CDADC1: variants seen among roughly 807,000 people sequenced by gnomAD.
The protein encoded by CDADC1 is dCTP deaminase.
Under a neutral mutation model 54.9 loss-of-function variants are expected in CDADC1, and 39 were observed. That is an observed-to-expected ratio of 0.71 (90% CI 0.55 to 0.93). The LOEUF (loss-of-function observed/expected upper bound fraction) is 0.93, where lower values mean the gene tolerates loss of function less well. Ranked by LOEUF, CDADC1 falls within the 40% of genes least tolerant of loss-of-function variation. CDADC1 has a pLI of 0.00. For missense variants in CDADC1, 518 were observed against 618.8 expected, an observed-to-expected ratio of 0.84 and a Z score of 1.73; for synonymous variants, 186 against 204.0, an observed-to-expected ratio of 0.91 and a Z score of 0.75.
intron 5 of CDADC1, among the ~76,000 whole-genome samples, chr13:49,269,938 C>T (rs902010350): frequency 2.6e-5 from 4 of 152,158 alleles, no homozygotes; most frequent in South Asian, 4.1e-4. Flanking sequence ...GCCCTGCTTA[C>T]GCATTTGATG....
At position 49,259,364 on chromosome 13, in the gene CDADC1, G is replaced by T. The variant is rs1207843284; in HGVS notation, c.271G>T (p.Val91Leu). ...DKRQVKRTGL[V>L]VVKNMKIVGL... ...AATGTAGGTAAAGAGAACTGGTCTTGTGGTGGTGAAAAACATGAAAATTGT... is the reference window on the plus strand; with the variant it reads ...AATGTAGGTAAAGAGAACTGGTCTTTTGGTGGTGAAAAACATGAAAATTGT... Residue 91 changes from valine to leucine, a missense_variant, in exon 4 of 10, where the codon GTG (valine) becomes TTG (leucine). Physicochemically the swap from Val to Leu is conservative, Grantham distance 32 (BLOSUM62 1). Coordinates refer to ENST00000251108, the MANE Select transcript of CDADC1 (RefSeq NM_030911.4). 6.2e-7 allele frequency: 1 copy of T among 1,612,462 alleles called. No individual in the cohort carries two copies. Among genetic ancestry groups the T allele is most frequent in the Admixed American group, 1.7e-5 (1 of 59,956 alleles).
chr13:49,261,596 T>C (rs1011147418), intron 4 of CDADC1, among the ~76,000 whole-genome samples: 3 of 152,252 alleles, frequency 2.0e-5, no homozygotes, highest in African/African-American at 7.2e-5. Flanking sequence ...GCTTGATTAG[T>C]AGACTATTGC....
In CDADC1 at chr13:49,248,077, A is replaced by G; in HGVS notation, c.40A>G (p.Arg14Gly). 1 of 1,553,848 alleles carries G rather than the reference A, an allele frequency of 6.4e-7. No individual in the cohort carries two copies. The highest frequency in any genetic ancestry group is 8.7e-7 in the Non-Finnish European group (1 of 1,148,362). Residue 14 changes from arginine to glycine, a missense_variant, in exon 1 of 10, where the codon AGG (arginine) becomes GGG (glycine). Transcript: ENST00000251108. ...AGQMQNLESA[R>G]AGRSVSTQTG... ...GCAGATGCAAAATCTGGAGAGCGCG[A>G]GGGCCGGGCGGTCAGTCAGCACCCA...
chr13:49,258,077 T>C (rs1025010186), intron 3 of CDADC1, among the ~76,000 whole-genome samples: 1 of 152,250 alleles, frequency 6.6e-6, no homozygotes, highest in African/African-American at 2.4e-5. Flanking sequence ...AGGAGATGGT[T>C]GGTTAACTCA....
chr13:49,263,094 G>A (rs1011515142), intron 4 of CDADC1, among the ~76,000 whole-genome samples: 2 of 152,176 alleles, frequency 1.3e-5, no homozygotes, highest in African/African-American at 4.8e-5. Context: ...GTGATTGTTT[G>A]AGTTGCAGAC....
intron 2 of CDADC1, among the ~76,000 whole-genome samples, chr13:49,255,168 C>T (rs1226168148): frequency 6.6e-6 from 1 of 152,202 alleles, no homozygotes; most frequent in Non-Finnish European, 1.5e-5. Context: ...GGCTCATGGG[C>T]CCCTTCCATC....
intron 5 of CDADC1, among the ~76,000 whole-genome samples, chr13:49,268,421 AAGG>A (rs1287541806): frequency 3.3e-5 from 5 of 152,140 alleles, no homozygotes; most frequent in African/African-American, 1.2e-4. Context: ...AACACTTTAG[AAGG>A]CTGAGACAGG....
At chr13:49,270,613 G>T (rs1002551645) in intron 5 of CDADC1, among the ~76,000 whole-genome samples, 3 of 152,166 alleles carry the variant, frequency 2.0e-5, no homozygotes, top group African/African-American at 7.2e-5. Context: ...TACATACAGA[G>T]TGAAAAAAGT....
chr13:49,263,225 A>G (rs1952726962), intron 4 of CDADC1, among the ~76,000 whole-genome samples: 1 of 152,236 alleles, frequency 6.6e-6, no homozygotes, highest in Admixed American at 6.5e-5. Flanking sequence ...AACAACTGAC[A>G]GTATTTGTTG....
intron 8 of CDADC1, among the ~76,000 whole-genome samples, chr13:49,285,634 A>C (rs1953491665): frequency 6.6e-6 from 1 of 152,114 alleles, no homozygotes; most frequent in Non-Finnish European, 1.5e-5. Context: ...AACCTGAGAC[A>C]AGTCACTCCA....
intron 6 of CDADC1, among the ~76,000 whole-genome samples, chr13:49,274,775 A>G (rs1418842944): frequency 1.3e-5 from 2 of 152,236 alleles, no homozygotes; most frequent in African/African-American, 4.8e-5. Flanking sequence ...TCATTCAGCA[A>G]ACATTTGTTA....
intron 3 of CDADC1, among the ~76,000 whole-genome samples, chr13:49,257,340 TTTCTGTC>T (rs1462809109): frequency 6.6e-6 from 1 of 152,184 alleles, no homozygotes; most frequent in African/African-American, 2.4e-5. Flanking sequence ...TCTGGCTTTA[TTTCTGTC>T]TGTTTAACTA....
intron 2 of CDADC1, among the ~76,000 whole-genome samples, chr13:49,253,526 C>T (rs1952479954): frequency 6.6e-6 from 1 of 152,202 alleles, no homozygotes; most frequent in South Asian, 2.1e-4. Flanking sequence ...AGTTGTATAA[C>T]TTTGGGTAAC....
At chr13:49,258,953 T>C (rs1432968117) in intron 3 of CDADC1, among the ~76,000 whole-genome samples, 2 of 152,234 alleles carry the variant, frequency 1.3e-5, no homozygotes, top group Non-Finnish European at 2.9e-5. Flanking sequence ...TACTTATCCA[T>C]GTGTAAAATC....
chr13:49,289,976 G>A (rs1953652166), intron 9 of CDADC1, among the ~76,000 whole-genome samples: 1 of 152,082 alleles, frequency 6.6e-6, no homozygotes, highest in South Asian at 2.1e-4. Context: ...AGCCCAGGAG[G>A]TTGAGGATGC....
intron 7 of CDADC1, among the ~76,000 whole-genome samples, chr13:49,279,580 G>T (rs574237634): frequency 6.6e-6 from 1 of 152,264 alleles, no homozygotes; most frequent in South Asian, 2.1e-4. Context: ...TGCTCCATTT[G>T]GTAGGCAGCG....
chr13:49,276,133 TA>T (rs572188352), intron 6 of CDADC1, among the ~76,000 whole-genome samples: 115 of 152,254 alleles, frequency 7.6e-4, no homozygotes, highest in African/African-American at 2.6e-3. Flanking sequence ...ATGTAATCAA[TA>T]AAAAATTATT....
intron 3 of CDADC1, among the ~76,000 whole-genome samples, chr13:49,257,110 AT>A (rs1256550524): frequency 6.6e-6 from 1 of 152,138 alleles, no homozygotes; most frequent in Non-Finnish European, 1.5e-5. Flanking sequence ...TTGAGCTTTT[AT>A]TTGTTTTATT....
At chr13:49,259,031 GAAAC>G (rs1952610880) in intron 3 of CDADC1, among the ~76,000 whole-genome samples, 1 of 152,086 alleles carries the variant, frequency 6.6e-6, no homozygotes, top group Non-Finnish European at 1.5e-5. Context: ...AATCCTATAA[GAAAC>G]AAGTCAAATT....
Sources: gnomAD v4.1 joint callset for allele counts (sites outside exome capture counted in the v4.1 genomes callset) on GRCh38, gnomAD v4.1.1 for gene constraint, MANE v1.5 for transcripts, NCBI Gene and HGNC (gene_info 2026-07-23, HGNC 2026-07-21) for gene names.